NOBOX: variants seen among roughly 807,000 people sequenced by gnomAD.
The protein encoded by NOBOX is homeobox protein NOBOX.
NOBOX carries 46 observed loss-of-function variants against 60.2 expected under a neutral mutation model. That is an observed-to-expected ratio of 0.76 (90% confidence interval 0.60 to 0.98). The LOEUF is 0.98. NOBOX is among the 50% of genes least tolerant of loss of function. The pLI, the probability that NOBOX is intolerant of heterozygous loss-of-function variation, is 0.00. For synonymous variants in NOBOX, 360 were observed against 346.3 expected, an observed-to-expected ratio of 1.04 and a Z score of -0.44; for missense variants, 880 against 865.5, an observed-to-expected ratio of 1.02 and a Z score of -0.21.
At chr7:144,403,531 T>TC in intron 2 of NOBOX, 126 bp downstream of exon 1, 1 of 148,234 alleles carries the variant, frequency 6.7e-6, no homozygotes, top group Non-Finnish European at 1.3e-5. Flanking sequence ...CCCACCCGAC[T>TC]CCACCCGGCC....
In NOBOX at chr7:144,401,198, T is replaced by C; in HGVS notation, c.692A>G (p.Asn231Ser). The change falls in exon 4 of 10, where the codon AAC becomes AGC. Residue 231 changes from asparagine (N) to serine (S), a missense_variant. Physicochemically the swap from Asn to Ser is conservative, Grantham distance 46 (BLOSUM62 1). Transcript: ENST00000467773. This position sits in a 1 kb window ranked among gnomAD's most constrained non-coding sequence, Gnocchi z 4.2. ...CCGGCCTGACCCACAGGGCACTGGG[T>C]TGTGTGTGGCACGGGCTGAGTTAGG... The C allele has an allele frequency of 3.7e-6, 6 of 1,613,610 alleles. No individual in the cohort carries two copies. The highest frequency in any genetic ancestry group is 5.1e-6 in the Non-Finnish European group (6 of 1,179,770).
chr7:144,400,386 A>G lies in NOBOX; in HGVS notation c.845-74T>C, dbSNP rs895520259. 7 of 1,350,348 alleles carry G rather than the reference A, an allele frequency of 5.2e-6. 1 individual carries two copies. The highest frequency in any genetic ancestry group is 7.3e-6 in the Non-Finnish European group (7 of 955,950). The allele number at this position is 1,350,348 out of a possible 1,614,324, so 83.6% of individuals were successfully genotyped here. A position where few individuals can be genotyped will look rare whatever the true frequency, so the allele number is the denominator to read the frequency against. On this transcript the variant is annotated intron_variant, in intron 4 of 9. Coordinates refer to ENST00000467773, the MANE Select transcript of NOBOX (RefSeq NM_001080413.3). The stretch of plus-strand genomic sequence containing the variant: ...TAGGTGAAGAGAAAGAGAGGTGCTC[A>G]CCAAGTATCTCCAACAGATGGGGCC...
intron 1 of NOBOX, among the ~76,000 whole-genome samples, chr7:144,405,639 T>TC (rs1012671882): frequency 1.3e-4 from 20 of 152,302 alleles, no homozygotes; most frequent in African/African-American, 4.6e-4. Context: ...TCTGGGTCTT[T>TC]CCCCTGGATC....
intron 2 of NOBOX, among the ~76,000 whole-genome samples, chr7:144,402,909 A>G (rs1366220794): frequency 6.6e-6 from 1 of 152,004 alleles, no homozygotes; most frequent in Non-Finnish European, 1.5e-5. Context: ...GGTGTGTGCC[A>G]CCACACCCAG....
intron 9 of NOBOX, 109 bp downstream of exon 7, chr7:144,398,173 C>T (rs2053906716): frequency 2.1e-6 from 2 of 939,516 alleles, no homozygotes. Flanking sequence ...CAGAAGGATT[C>T]ATTCACCACC....
intron 2 of NOBOX, among the ~76,000 whole-genome samples, chr7:144,402,224 C>G (rs556317176): frequency 2.0e-5 from 3 of 150,984 alleles, no homozygotes; most frequent in Admixed American, 1.3e-4. Context: ...CTTCCTCCCC[C>G]TCCCTGCAAA....
Position 144,398,394 on chromosome 7 carries a change from G to C in NOBOX, c.1662C>G (p.Pro554=). 6.5e-7 allele frequency: 1 copy of C among 1,537,198 alleles called. No homozygotes were observed. The highest frequency in any genetic ancestry group is 8.7e-7 in the Non-Finnish European group (1 of 1,146,886). ...AGGGAAACATAAAGAGAGAGTCTTC[G>C]GGCGGTGGAAGCGTCAGTGAACTGG... The change falls in exon 9 of 10, where the codon CCC becomes CCG. Residue 554 remains proline, a synonymous_variant. Coordinates refer to ENST00000467773, the MANE Select transcript of NOBOX (RefSeq NM_001080413.3).
chr7:144,400,226 C>T lies in NOBOX; in HGVS notation c.931G>A (p.Val311Met). ...TTTACCATGATGCGCTGGGGGGTCA[C>T]CCCCACCGTCTGGGCAATCTCTCGG... is the stretch of plus-strand genomic sequence containing the variant. The change falls in exon 5 of 10, where the codon GTG becomes ATG. Residue 311 changes from valine to methionine, a missense_variant. Val to Met is a conservative substitution (Grantham distance 21). Coordinates refer to ENST00000467773, the MANE Select transcript of NOBOX (RefSeq NM_001080413.3). The T allele has an allele frequency of 6.2e-7, 1 of 1,614,036 alleles. No individual in the cohort carries two copies. The highest frequency in any genetic ancestry group is 8.5e-7 in the Non-Finnish European group (1 of 1,179,872).
At chr7:144,409,792 T>C (rs767713199) in intron 1 of NOBOX, among the ~76,000 whole-genome samples, 1 of 152,228 alleles carries the variant, frequency 6.6e-6, no homozygotes, top group African/African-American at 2.4e-5. Context: ...GCCATGAGGC[T>C]GTTTATTTCA....
intron 4 of NOBOX, 90 bp downstream of exon 2, chr7:144,400,956 C>T: frequency 1.8e-6 from 2 of 1,136,478 alleles, no homozygotes; most frequent in Non-Finnish European, 2.4e-6. Context: ...CCCCATCCCT[C>T]AGGTCTCCTG....
intron 2 of NOBOX, 65 bp from the exon 1 acceptor site, chr7:144,403,758 G>C (rs997765320): frequency 6.3e-5 from 41 of 653,310 alleles, no homozygotes; most frequent in Non-Finnish European, 1.1e-4. Context: ...AAGCCTCGCC[G>C]GGCGGGCAGG....
intron 1 of NOBOX, among the ~76,000 whole-genome samples, chr7:144,407,771 A>G (rs956284880): frequency 6.6e-6 from 1 of 152,382 alleles, no homozygotes; most frequent in East Asian, 1.9e-4. Flanking sequence ...GGGCAGGGCC[A>G]GGACAAGTTC....
Position 144,398,958 on chromosome 7 carries a change from C to T in NOBOX, c.1461G>A (p.Trp487Ter). ...CCCCGTAGGTTCCTTACCTTGTCCC[C>T]CAGGACCCACAGGGGCCGTCCTTGT... is the stretch of plus-strand genomic sequence containing the variant. Residue 487 changes from tryptophan to a stop codon, truncating the protein, a stop_gained, in exon 8 of 10, where the codon TGG becomes TGA. Coordinates refer to ENST00000467773, the MANE Select transcript of NOBOX (RefSeq NM_001080413.3). LOFTEE classifies it high-confidence loss of function. 1.3e-6 allele frequency: 2 copies of T among 1,554,554 alleles called. No individual in the cohort carries two copies. The highest frequency in any genetic ancestry group is 1.2e-5 in the South Asian group (1 of 84,626).
Position 144,404,570 on chromosome 7 carries a change from C to G in NOBOX, c.196G>C (p.Glu66Gln), listed in dbSNP as rs746496101. Residue 66 changes from glutamate to glutamine, a missense_variant, in exon 2 of 10, where the codon GAG becomes CAG. Physicochemically the swap from Glu to Gln is conservative, Grantham distance 29. Transcript: ENST00000467773. ...GCCCCCCGTACTGATTTGAGGGTCT[C>G]CAGAGCACAAAGGCTGCACCGGATG... 1.2e-6 allele frequency: 2 copies of G among 1,613,278 alleles called. No individual in the cohort carries two copies. Among genetic ancestry groups the G allele is most frequent in the South Asian group, 1.1e-5 (1 of 90,700 alleles).
In NOBOX at chr7:144,407,149, A is replaced by T. The variant is rs74300795; in HGVS notation, c.86-2469T>A. On this transcript the variant is annotated intron_variant, in intron 1 of 9. Coordinates refer to ENST00000467773, the MANE Select transcript of NOBOX (RefSeq NM_001080413.3). Reference sequence around the variant, plus strand: ...AACAAAAAGAAAGGTGTCTGATACTAAAAAAAAAAGTAGTTAATTTTTTTC... The same window carrying T: ...AACAAAAAGAAAGGTGTCTGATACTTAAAAAAAAAGTAGTTAATTTTTTTC... 2.5e-4 allele frequency among the ~76,000 whole-genome samples: 7 copies of T among 28,056 alleles called. No homozygotes were observed. The Admixed American group carries it at 3.0e-3, about 12-fold the overall frequency. 18.4% of individuals were successfully genotyped at this position (28,056 alleles called of 152,430 possible). A position where few individuals can be genotyped will look rare whatever the true frequency, so the allele number is the denominator to read the frequency against.
Position 144,398,910 on chromosome 7 carries a change from C to A in NOBOX, c.1469+40G>T, listed in dbSNP as rs767390230. On this transcript the variant is annotated intron_variant, in intron 8 of 9. Coordinates refer to ENST00000467773, the MANE Select transcript of NOBOX (RefSeq NM_001080413.3). ...CTCCATCTACACCCCCCTACCCCCA[C>A]CCAGATAACTAGAGTGACCTACCCC... 3 of 1,155,870 alleles carry A rather than the reference C, an allele frequency of 2.6e-6. No homozygotes were observed. In the South Asian group the frequency reaches 4.0e-5, roughly 16 times the overall value. The allele number at this position is 1,155,870 out of a possible 1,614,324, so 71.6% of individuals were successfully genotyped here. A position where few individuals can be genotyped will look rare whatever the true frequency, so the allele number is the denominator to read the frequency against.
At chr7:144,400,986 G>T in intron 4 of NOBOX, 60 bp downstream of exon 2, 2 of 1,383,486 alleles carry the variant, frequency 1.4e-6, no homozygotes, top group Non-Finnish European at 1.9e-6. Flanking sequence ...TCTTCACACA[G>T]CCCCACCTTT....
chr7:144,403,464 G>C (rs976259520), intron 2 of NOBOX, among the ~76,000 whole-genome samples, 193 bp downstream of exon 1: 1 of 152,004 alleles, frequency 6.6e-6, no homozygotes, highest in South Asian at 2.1e-4. Flanking sequence ...GGAGCGGGGA[G>C]GGGGGTTGCA....
intron 1 of NOBOX, chr7:144,404,807 G>A (rs2128862979): frequency 1.8e-6 from 2 of 1,121,218 alleles, no homozygotes; most frequent in African/African-American, 1.6e-5. Context: ...CTGGTTCACG[G>A]AATGTTTCTT....
Sources: allele counts gnomAD v4.1 joint callset (sites outside exome capture counted in the v4.1 genomes callset), GRCh38; gene constraint gnomAD v4.1.1; non-coding constraint Gnocchi (gnomAD v3.1); transcripts MANE v1.5; gene names NCBI Gene and HGNC (gene_info 2026-07-23, HGNC 2026-07-21).